FAR1: variants seen among roughly 807,000 people sequenced by gnomAD.
FAR1 encodes the protein male sterility domain-containing protein 2.
Under a neutral mutation model 61.1 loss-of-function variants are expected in FAR1, and 22 were observed. The observed-to-expected ratio is 0.36, with a 90% CI of 0.26 to 0.51. The LOEUF (loss-of-function observed/expected upper bound fraction) is 0.51, where lower values mean the gene tolerates loss of function less well. Among genes scored for constraint, FAR1 ranks in the 20% least tolerant of loss-of-function variants. The pLI is 0.95. For missense variants in FAR1, 359 were observed against 626.9 expected, an observed-to-expected ratio of 0.57 and a Z score of 4.56; for synonymous variants, 206 against 209.7, an observed-to-expected ratio of 0.98 and a Z score of 0.15.
chr11:13,696,646 A>C (rs1190338539), intron 2 of FAR1, among the ~76,000 whole-genome samples: 1 of 105,264 alleles, frequency 9.5e-6, no homozygotes, highest in Admixed American at 9.3e-5. Context: ...TATTTGACTT[A>C]ACTTGATACT....
intron 7 of FAR1, among the ~76,000 whole-genome samples, 186 bp from the exon 8 acceptor site, chr11:13,712,780 G>A (rs1194928632): frequency 6.6e-6 from 1 of 151,730 alleles, no homozygotes; most frequent in Non-Finnish European, 1.5e-5. Context: ...TTTTTGGTAG[G>A]GGAAGAAGAA....
intron 1 of FAR1, among the ~76,000 whole-genome samples, chr11:13,693,834 T>A (rs139063501): frequency 1.4e-3 from 220 of 152,270 alleles, no homozygotes; most frequent in African/African-American, 5.1e-3. Flanking sequence ...ATGGAGCTAT[T>A]TTTTCCAGGT....
At chr11:13,703,059 C>A (rs573427900) in intron 3 of FAR1, among the ~76,000 whole-genome samples, 1 of 152,184 alleles carries the variant, frequency 6.6e-6, no homozygotes, top group Admixed American at 6.5e-5. Context: ...TTCTGGGAAG[C>A]AATTTTAATG....
intron 1 of FAR1, among the ~76,000 whole-genome samples, chr11:13,675,179 C>G (rs2134166316): frequency 6.6e-6 from 1 of 151,258 alleles, no homozygotes; most frequent in Non-Finnish European, 1.5e-5. Context: ...TTATACTGTT[C>G]TGGGCACGAG....
chr11:13,682,028 C>A (rs915440674), intron 1 of FAR1, among the ~76,000 whole-genome samples: 2 of 152,180 alleles, frequency 1.3e-5, no homozygotes, highest in Non-Finnish European at 2.9e-5. Flanking sequence ...CAAGCCTCAT[C>A]CCTGCATATC....
intron 1 of FAR1, among the ~76,000 whole-genome samples, chr11:13,680,903 A>G (rs1565339154): frequency 6.6e-6 from 1 of 152,326 alleles, no homozygotes; most frequent in East Asian, 1.9e-4. Context: ...TAGTAGGAAA[A>G]ACACTGGAGG....
chr11:13,721,828 TAATG>T lies in FAR1; in HGVS notation c.1230_1233del (p.Met410IlefsTer3). ...TGGAATACTGAGAATGTCAATATGT[TAATG>T]AATCAACTAAACCCTGAAGATAAAA... On this transcript the variant is annotated frameshift_variant, in exon 10 of 12. Transcript: ENST00000354817. LOFTEE classifies it high-confidence loss of function. This position sits in a 1 kb window ranked among gnomAD's most constrained non-coding sequence, Gnocchi z 4.2. 6.2e-7 allele frequency: 1 copy of T among 1,608,706 alleles called. No homozygotes were observed. The highest frequency in any genetic ancestry group is 8.5e-7 in the Non-Finnish European group (1 of 1,177,774).
At chr11:13,693,673 A>T (rs1848278050) in intron 1 of FAR1, among the ~76,000 whole-genome samples, 1 of 152,134 alleles carries the variant, frequency 6.6e-6, no homozygotes, top group Non-Finnish European at 1.5e-5. Context: ...TGGTAAAAAG[A>T]GCTCTTGCCT....
chr11:13,689,606 T>C (rs1177033190), intron 1 of FAR1, among the ~76,000 whole-genome samples: 1 of 152,248 alleles, frequency 6.6e-6, no homozygotes, highest in Non-Finnish European at 1.5e-5. Flanking sequence ...CATACTTGCT[T>C]GTTCTTTTGA....
chr11:13,717,738 G>T (rs1848570820), intron 9 of FAR1, among the ~76,000 whole-genome samples: 1 of 152,168 alleles, frequency 6.6e-6, no homozygotes, highest in African/African-American at 2.4e-5. Flanking sequence ...ACTCATCTTT[G>T]CTGTTAAAAA....
chr11:13,714,960 C>A (rs551864871), intron 9 of FAR1, among the ~76,000 whole-genome samples: 8 of 152,248 alleles, frequency 5.3e-5, no homozygotes, highest in African/African-American at 1.9e-4. Flanking sequence ...TGCTTTGACG[C>A]TTATTTTTCC....
chr11:13,725,413 C>T (rs1216997958), intron 10 of FAR1, among the ~76,000 whole-genome samples: 5 of 149,080 alleles, frequency 3.4e-5, no homozygotes, highest in African/African-American at 5.0e-5. Flanking sequence ...TATACATTAC[C>T]TAGTACATAA....
chr11:13,684,716 C>G (rs563568142), intron 1 of FAR1, among the ~76,000 whole-genome samples: 2 of 152,256 alleles, frequency 1.3e-5, no homozygotes, highest in African/African-American at 4.8e-5. Flanking sequence ...TAAGCTGGGC[C>G]TCATTTCATT....
At chr11:13,694,688 C>T in intron 1 of FAR1, 71 bp from the exon 2 acceptor site, 19 of 1,285,540 alleles carry the variant, frequency 1.5e-5, no homozygotes, top group Middle Eastern at 2.1e-4. Flanking sequence ...ATTTGAATAC[C>T]AAGAGATTTT....
intron 1 of FAR1, among the ~76,000 whole-genome samples, chr11:13,671,035 A>G (rs1025091499): frequency 2.2e-4 from 33 of 152,250 alleles, no homozygotes; most frequent in African/African-American, 8.0e-4. Context: ...CTAATGGACC[A>G]TTATTTATGA....
chr11:13,701,499 C>T (rs923153090), intron 3 of FAR1, among the ~76,000 whole-genome samples: 1 of 151,916 alleles, frequency 6.6e-6, no homozygotes, highest in African/African-American at 2.4e-5. Flanking sequence ...CCAGCCTCAG[C>T]AACATAATGA....
chr11:13,685,455 T>A, intron 1 of FAR1: 1 of 214,612 alleles, frequency 4.7e-6, no homozygotes, highest in South Asian at 8.0e-5. Context: ...ATGGTTGTGA[T>A]CTTGACATAG....
intron 10 of FAR1, among the ~76,000 whole-genome samples, chr11:13,724,032 A>G (rs1367460283): frequency 6.6e-6 from 1 of 152,120 alleles, no homozygotes; most frequent in African/African-American, 2.4e-5. Flanking sequence ...CATGGCACCT[A>G]ATTTTTTTAA....
chr11:13,691,942 T>C (rs1848254705), intron 1 of FAR1, among the ~76,000 whole-genome samples: 2 of 151,968 alleles, frequency 1.3e-5, no homozygotes, highest in Admixed American at 6.6e-5. Context: ...CCAAAGTGGG[T>C]GGATCACTTG....
Sources: gnomAD v4.1 joint callset for allele counts (sites outside exome capture counted in the v4.1 genomes callset) on GRCh38, gnomAD v4.1.1 for gene constraint, Gnocchi (gnomAD v3.1) non-coding constraint, MANE v1.5 for transcripts, NCBI Gene and HGNC (gene_info 2026-07-23, HGNC 2026-07-21) for gene names.